Variants in ANKRD13C observed in about 807,000 individuals in gnomAD.
The protein encoded by ANKRD13C is ankyrin repeat domain-containing protein 13C.
In ANKRD13C, 16 loss-of-function variants were observed where a neutral mutation model predicts 65.5. That is an observed-to-expected ratio of 0.24 (90% CI 0.17 to 0.37). The LOEUF (loss-of-function observed/expected upper bound fraction) is 0.37, where lower values mean the gene tolerates loss of function less well. Ranked by LOEUF, ANKRD13C falls within the 10% of genes least tolerant of loss-of-function variation. The probability of loss-of-function intolerance (pLI) is 1.00; values close to 1 mark genes in which losing one functional copy is unlikely to be tolerated. For synonymous variants in ANKRD13C, 235 were observed against 238.7 expected (o/e 0.98, Z 0.14); for missense variants, 503 against 655.9 (o/e 0.77, Z 2.55).
chr1:70,264,081 C>T (rs1490981599), intron 12 of ANKRD13C, among the ~76,000 whole-genome samples: 4 of 152,142 alleles, frequency 2.6e-5, no homozygotes, highest in Non-Finnish European at 5.9e-5. Flanking sequence ...GGGGTCTGTA[C>T]ACTAAGTCCT....
intron 5 of ANKRD13C, among the ~76,000 whole-genome samples, chr1:70,311,120 T>C (rs1253848320): frequency 2.0e-5 from 3 of 152,220 alleles, no homozygotes; most frequent in Non-Finnish European, 4.4e-5. Context: ...TAATCATCCA[T>C]GCCATAAAGT....
rs950202430 is a variant in ANKRD13C at position 70,262,495 on chromosome 1, A to C, written c.*222T>G. ...GGTCATTAATGTGTCAAACTATTAC[A>C]TTTATAATATGTATATTTTTAAAAA... On this transcript the variant is annotated 3_prime_UTR_variant, in exon 13 of 13. Coordinates refer to ENST00000370944, the MANE Select transcript of ANKRD13C (RefSeq NM_030816.5). 6 of 322,274 alleles carry C rather than the reference A, an allele frequency of 1.9e-5. No individual in the cohort carries two copies. The highest frequency in any genetic ancestry group is 2.9e-5 in the Non-Finnish European group (5 of 174,744). 20.0% of individuals were successfully genotyped at this position (322,274 alleles called of 1,614,324 possible). A position where few individuals can be genotyped will look rare whatever the true frequency, so the allele number is the denominator to read the frequency against.
intron 3 of ANKRD13C, among the ~76,000 whole-genome samples, chr1:70,323,403 G>A (rs1681395192): frequency 6.6e-6 from 1 of 152,210 alleles, no homozygotes; most frequent in South Asian, 2.1e-4. Flanking sequence ...CTAGCACTTT[G>A]GGAGGCCAAG....
At chr1:70,353,957 G>A (rs1000208440) in intron 1 of ANKRD13C, 22 bp downstream of exon 1, 3 of 1,500,380 alleles carry the variant, frequency 2.0e-6, no homozygotes, top group East Asian at 4.6e-5. Flanking sequence ...GAGAGAGGTG[G>A]AGAGGGGCTA....
Position 70,354,016 on chromosome 1 carries a change from G to T in ANKRD13C, c.393C>A (p.Leu131=), listed in dbSNP as rs144955723. 7.7e-6 allele frequency: 12 copies of T among 1,551,496 alleles called. No individual in the cohort carries two copies. Among genetic ancestry groups the T allele is most frequent in the African/African-American group, 1.4e-5 (1 of 73,198 alleles). ...TCTGCCCGATATTGTGCGTGCGGAT[G>T]AGAGAGGAGAGTCTCCTCACATCCC... ...FKGDVRRLSS[L]IRTHNIGQKD... Residue 131 remains leucine, a synonymous_variant, in exon 1 of 13, where the codon CTC becomes CTA. Coordinates refer to ENST00000370944, the MANE Select transcript of ANKRD13C (RefSeq NM_030816.5).
chr1:70,325,009 C>A, intron 2 of ANKRD13C, 52 bp from the exon 3 acceptor site: 1 of 1,252,640 alleles, frequency 8.0e-7, no homozygotes, highest in Non-Finnish European at 1.1e-6. Flanking sequence ...TTTAGAATCT[C>A]TAAATATAAA....
chr1:70,297,946 C>CA (rs1680167615), intron 7 of ANKRD13C, among the ~76,000 whole-genome samples: 2 of 148,502 alleles, frequency 1.3e-5, no homozygotes, highest in Non-Finnish European at 3.0e-5. Context: ...AACAAACAAA[C>CA]AAAAAAATAG....
At chr1:70,302,015 T>C (rs1413901093) in intron 6 of ANKRD13C, among the ~76,000 whole-genome samples, 1 of 152,180 alleles carries the variant, frequency 6.6e-6, no homozygotes, top group Admixed American at 6.5e-5. Flanking sequence ...ACTGTAAGAA[T>C]TCATTACTCT....
chr1:70,290,907 G>C (rs1363965737), intron 9 of ANKRD13C, among the ~76,000 whole-genome samples: 1 of 150,674 alleles, frequency 6.6e-6, no homozygotes. Flanking sequence ...CAACAACTGA[G>C]GGGAGAAAAG....
At chr1:70,299,483 G>T (rs1680230612) in intron 7 of ANKRD13C, among the ~76,000 whole-genome samples, 1 of 152,180 alleles carries the variant, frequency 6.6e-6, no homozygotes, top group Non-Finnish European at 1.5e-5. Context: ...GAGCCAGGAA[G>T]ATCATTTATA....
intron 11 of ANKRD13C, among the ~76,000 whole-genome samples, chr1:70,271,208 T>C (rs1298779752): frequency 2.0e-5 from 3 of 152,218 alleles, no homozygotes; most frequent in Admixed American, 2.0e-4. Flanking sequence ...AGTAACTAGA[T>C]TCACTGTTTG....
In ANKRD13C at chr1:70,353,858, C is replaced by T. The variant is rs566017237; in HGVS notation, c.430+121G>A. ...ACTGAGTCGATCATGATTTACCGAA[C>T]GGCCCGGATGATGGGCAAAAAGAAG... On this transcript the variant is annotated intron_variant, in intron 1 of 12. Transcript: ENST00000370944. 7.3e-3 allele frequency: 9,620 copies of T among 1,315,214 alleles called. 56 individuals carry two copies. Among genetic ancestry groups the T allele is most frequent in the Non-Finnish European group, 8.7e-3 (8,615 of 995,006 alleles). The allele number at this position is 1,315,214 out of a possible 1,614,324, so 81.5% of individuals were successfully genotyped here. A position where few individuals can be genotyped will look rare whatever the true frequency, so the allele number is the denominator to read the frequency against.
intron 9 of ANKRD13C, among the ~76,000 whole-genome samples, chr1:70,279,167 A>G (rs1331114624): frequency 6.6e-6 from 1 of 152,090 alleles, no homozygotes; most frequent in East Asian, 1.9e-4. Flanking sequence ...AGATCATGCC[A>G]CTGCACTCCG....
At chr1:70,351,406 T>G (rs1175246711) in intron 1 of ANKRD13C, among the ~76,000 whole-genome samples, 1 of 152,232 alleles carries the variant, frequency 6.6e-6, no homozygotes, top group African/African-American at 2.4e-5. Context: ...TATTTTATTT[T>G]ATTTATTTAT....
chr1:70,326,709 G>C (rs1681560411), intron 2 of ANKRD13C, among the ~76,000 whole-genome samples: 1 of 152,118 alleles, frequency 6.6e-6, no homozygotes, highest in Non-Finnish European at 1.5e-5. Flanking sequence ...AATGTCCACA[G>C]TAGGGCAATA....
In ANKRD13C at chr1:70,336,541, G is replaced by T. The variant is rs148206329; in HGVS notation, c.431-442C>A. ...TAATTATTATTTATTAAATAGAAGG[G>T]AGTACAGCCTGACCGTAGAACATAT... On this transcript the variant is annotated intron_variant, in intron 1 of 12. Transcript: ENST00000370944. Among the ~76,000 whole-genome samples, 682 of 152,194 alleles carry T rather than the reference G, an allele frequency of 4.5e-3. 8 individuals carry two copies. The highest frequency in any genetic ancestry group is 0.016 in the African/African-American group (664 of 41,534).
chr1:70,344,039 T>G (rs775909085), intron 1 of ANKRD13C, among the ~76,000 whole-genome samples: 1 of 151,836 alleles, frequency 6.6e-6, no homozygotes, highest in Non-Finnish European at 1.5e-5. Flanking sequence ...GGCTCACGCC[T>G]ATAATTCCAG....
intron 1 of ANKRD13C, among the ~76,000 whole-genome samples, chr1:70,352,121 C>T (rs1470082171): frequency 6.6e-6 from 1 of 152,138 alleles, no homozygotes; most frequent in East Asian, 1.9e-4. Flanking sequence ...GGGCAGATCA[C>T]GAGGTCAGGA....
At position 70,317,995 on chromosome 1, in the gene ANKRD13C, C is replaced by A. The variant is rs1054710973; in HGVS notation, c.578-2429G>T. Among the ~76,000 whole-genome samples the A allele has an allele frequency of 8.5e-5, 13 of 152,148 alleles. No individual in the cohort carries two copies. In the East Asian group the frequency reaches 1.5e-3, roughly 18 times the overall value. On this transcript the variant is annotated intron_variant, in intron 3 of 12. Coordinates refer to ENST00000370944, the MANE Select transcript of ANKRD13C (RefSeq NM_030816.5). ...AAAGCTGAAGGCATTCAATAAATAA[C>A]GACCAAACATCATTAAAAAGGTAAT...
Sources: gnomAD v4.1 joint callset for allele counts (sites outside exome capture counted in the v4.1 genomes callset) on GRCh38, gnomAD v4.1.1 for gene constraint, MANE v1.5 for transcripts, NCBI Gene and HGNC (gene_info 2026-07-23, HGNC 2026-07-21) for gene names.